Variants in PSMA1 observed in about 807,000 individuals in gnomAD.
PSMA1 encodes the protein proteasome 20S subunit alpha 1, also known as proteasome subunit alpha type-1.
A neutral mutation model predicts 38.4 loss-of-function variants in PSMA1; 3 were observed. The observed-to-expected ratio is 0.08, with a 90% confidence interval of 0.04 to 0.20. PSMA1 has a LOEUF of 0.20. Among genes scored for constraint, PSMA1 ranks in the 10% least tolerant of loss-of-function variants. The probability of loss-of-function intolerance (pLI) is 1.00; values close to 1 mark genes in which losing one functional copy is unlikely to be tolerated. For missense variants in PSMA1, 227 were observed against 325.3 expected, an observed-to-expected ratio of 0.70 and a Z score of 2.32; for synonymous variants, 101 against 107.1, an observed-to-expected ratio of 0.94 and a Z score of 0.35.
intron 1 of PSMA1, among the ~76,000 whole-genome samples, chr11:14,633,221 T>C (rs1349370229): frequency 6.6e-6 from 1 of 151,672 alleles, no homozygotes; most frequent in African/African-American, 2.4e-5. Flanking sequence ...CTCTGCTTTT[T>C]AGAGTTTCCA....
rs1003260813 is a variant in PSMA1 at position 14,534,636 on chromosome 11, AT to A, written c.22-15596del. Among the ~76,000 whole-genome samples the A allele has an allele frequency of 6.1e-5, 9 of 147,188 alleles. No homozygotes were observed. The highest frequency in any genetic ancestry group is 2.2e-4 in the South Asian group (1 of 4,628). ...ACAGGAGTGAGCCACTGTGCTGACC[AT>A]TTTTTTTTTAATTACTGTGTTTTTT... On this transcript the variant is annotated intron_variant, in intron 2 of 10. Coordinates refer to the PSMA1 transcript ENST00000418988. The surrounding 1 kb of genome is among the most constrained non-coding windows in gnomAD (Gnocchi z 4.5).
chr11:14,590,285 T>C (rs186067182), intron 2 of PSMA1, among the ~76,000 whole-genome samples: 49 of 152,340 alleles, frequency 3.2e-4, no homozygotes, highest in African/African-American at 1.1e-3. Context: ...TGCACCACAA[T>C]GTGAATGTAC....
At chr11:14,637,592 A>AT (rs560430562) in intron 1 of PSMA1, among the ~76,000 whole-genome samples, 12 of 150,610 alleles carry the variant, frequency 8.0e-5, no homozygotes, top group East Asian at 3.9e-4. Flanking sequence ...TTACGGCTTA[A>AT]TTTTTTTTTT....
intron 2 of PSMA1, among the ~76,000 whole-genome samples, chr11:14,584,499 TG>T (rs1426392854): frequency 1.2e-4 from 17 of 147,104 alleles, no homozygotes; most frequent in African/African-American, 4.2e-4. Flanking sequence ...GTGTTTTTTT[TG>T]TTTTTTGTTT....
At chr11:14,561,206 CAGAT>C (rs1351359415) in intron 2 of PSMA1, among the ~76,000 whole-genome samples, 30 of 152,184 alleles carry the variant, frequency 2.0e-4, no homozygotes, top group Non-Finnish European at 5.9e-5. Context: ...TGGGAAAACT[CAGAT>C]AGATTGCATT....
chr11:14,604,875 A>G (rs1852623225), intron 2 of PSMA1, among the ~76,000 whole-genome samples: 1 of 152,200 alleles, frequency 6.6e-6, no homozygotes, highest in African/African-American at 2.4e-5. Flanking sequence ...GCTGCAAAGA[A>G]CATGAGTTCA....
At chr11:14,506,658 C>T (rs1851249351) in intron 9 of PSMA1, among the ~76,000 whole-genome samples, 1 of 152,174 alleles carries the variant, frequency 6.6e-6, no homozygotes, top group African/African-American at 2.4e-5. Context: ...AAAGCTGGCC[C>T]CCAATGAGCA....
At chr11:14,563,033 A>C (rs1436465647) in intron 2 of PSMA1, among the ~76,000 whole-genome samples, 1 of 152,128 alleles carries the variant, frequency 6.6e-6, no homozygotes, top group Non-Finnish European at 1.5e-5. Context: ...CTATGCATCC[A>C]GTCTGATTAC....
At chr11:14,540,465 G>C (rs1284214113) in intron 2 of PSMA1, among the ~76,000 whole-genome samples, 1 of 152,156 alleles carries the variant, frequency 6.6e-6, no homozygotes, top group Non-Finnish European at 1.5e-5. Context: ...TCGCCTAAAT[G>C]CAGAAAGATC....
At chr11:14,575,128 T>G (rs1243780745) in intron 2 of PSMA1, among the ~76,000 whole-genome samples, 1 of 152,180 alleles carries the variant, frequency 6.6e-6, no homozygotes, top group Non-Finnish European at 1.5e-5. Context: ...GATGAACTCT[T>G]GCTTTGCTTT....
At chr11:14,572,351 T>A (rs1039643235) in intron 2 of PSMA1, among the ~76,000 whole-genome samples, 1 of 152,102 alleles carries the variant, frequency 6.6e-6, no homozygotes, top group Non-Finnish European at 1.5e-5. Context: ...GAACTCAGGA[T>A]TAAGAAATTC....
At chr11:14,588,504 T>TA (rs1363339088) in intron 2 of PSMA1, among the ~76,000 whole-genome samples, 1 of 152,108 alleles carries the variant, frequency 6.6e-6, no homozygotes, top group African/African-American at 2.4e-5. Context: ...AACTGTAACT[T>TA]AAGAAAGAAA....
rs1851687180 is a variant in PSMA1 at position 14,534,951 on chromosome 11, G to C, written c.22-15910C>G. 6.6e-6 allele frequency among the ~76,000 whole-genome samples: 1 copy of C among 152,134 alleles called. No homozygotes were observed. Among genetic ancestry groups the C allele is most frequent in the South Asian group, 2.1e-4 (1 of 4,816 alleles). ...TTAGCGGGCATGGTGGCAGACGCCTGTAATCCCAGCTACTCGGGAGGCTGA... is the reference window on the plus strand; with the variant it reads ...TTAGCGGGCATGGTGGCAGACGCCTCTAATCCCAGCTACTCGGGAGGCTGA... On this transcript the variant is annotated intron_variant, in intron 2 of 10. Transcript: ENST00000418988. The surrounding 1 kb of genome is among the most constrained non-coding windows in gnomAD (Gnocchi z 4.5).
At chr11:14,626,432 T>A (rs1852912461) in intron 1 of PSMA1, among the ~76,000 whole-genome samples, 1 of 152,214 alleles carries the variant, frequency 6.6e-6, no homozygotes. Context: ...AAACCGTATC[T>A]TATGTAACTA....
At chr11:14,642,388 T>C (rs1283267021) in intron 1 of PSMA1, among the ~76,000 whole-genome samples, 1 of 152,220 alleles carries the variant, frequency 6.6e-6, no homozygotes, top group Non-Finnish European at 1.5e-5. Context: ...TTTTATCTTT[T>C]AGGACAAGCA....
At chr11:14,633,665 C>T (rs1293478198) in intron 1 of PSMA1, among the ~76,000 whole-genome samples, 3 of 152,204 alleles carry the variant, frequency 2.0e-5, no homozygotes, top group African/African-American at 7.2e-5. Context: ...GTGGGCTCCA[C>T]CCAGTTCGAG....
chr11:14,535,289 G>T (rs1042872279), intron 2 of PSMA1, among the ~76,000 whole-genome samples: 6 of 151,578 alleles, frequency 4.0e-5, no homozygotes, highest in African/African-American at 1.5e-4. Flanking sequence ...CTCAGTGTGT[G>T]ACTAAAAGAG....
At chr11:14,575,786 T>G (rs969339333) in intron 2 of PSMA1, among the ~76,000 whole-genome samples, 7 of 152,160 alleles carry the variant, frequency 4.6e-5, no homozygotes, top group Admixed American at 1.3e-4. Flanking sequence ...GTAATGGGAT[T>G]GCTGGGTCAA....
chr11:14,587,145 C>T (rs939074140), intron 2 of PSMA1, among the ~76,000 whole-genome samples: 1 of 152,194 alleles, frequency 6.6e-6, no homozygotes, highest in Non-Finnish European at 1.5e-5. Flanking sequence ...GTCTCAGATC[C>T]ATTCCCACCC....
Sources: allele counts gnomAD v4.1 joint callset (sites outside exome capture counted in the v4.1 genomes callset), GRCh38; gene constraint gnomAD v4.1.1; non-coding constraint Gnocchi (gnomAD v3.1); transcripts MANE v1.5; gene names NCBI Gene and HGNC (gene_info 2026-07-23, HGNC 2026-07-21).